Variants in COMMD4 observed in about 807,000 individuals in gnomAD.
COMMD4 encodes COMM domain containing 4, also known as COMM domain-containing protein 4.
In COMMD4, 18 loss-of-function variants were observed where a neutral mutation model predicts 27.5. That is an observed-to-expected ratio of 0.65 (90% CI 0.45 to 0.97). The LOEUF (loss-of-function observed/expected upper bound fraction) is 0.97, where lower values mean the gene tolerates loss of function less well. Ranked by LOEUF, COMMD4 falls within the 50% of genes least tolerant of loss-of-function variation. The probability of loss-of-function intolerance (pLI) is 0.00; values close to 1 mark genes in which losing one functional copy is unlikely to be tolerated. For synonymous variants in COMMD4, 108 were observed against 108.4 expected (o/e 1.00, Z 0.02); for missense variants, 243 against 250.0 (o/e 0.97, Z 0.19).
intron 5 of COMMD4, 40 bp downstream of exon 5, chr15:75,339,144 A>G (rs757683558): frequency 2.2e-5 from 35 of 1,612,366 alleles, no homozygotes; most frequent in South Asian, 7.7e-5. Context: ...CCTGTGGGCC[A>G]AGGGCTGCTA....
downstream of COMMD4, chr15:75,341,367 G>C (rs555059969): frequency 6.6e-6 from 1 of 152,254 alleles, no homozygotes; most frequent in Non-Finnish European, 1.5e-5. Flanking sequence ...CTCGCCTGGA[G>C]TATCTTAAGG....
chr15:75,338,561 T>C (rs774334847), intron 3 of COMMD4, 85 bp from the exon 4 acceptor site: 1 of 1,587,908 alleles, frequency 6.3e-7, no homozygotes, highest in African/African-American at 1.3e-5. Flanking sequence ...CCAGCCTGTC[T>C]GTTCCTTATC....
At chr15:75,338,315 A>G in intron 2 of COMMD4, 40 bp from the exon 3 acceptor site, 1 of 1,531,358 alleles carries the variant, frequency 6.5e-7, no homozygotes, top group Non-Finnish European at 8.9e-7. Flanking sequence ...AGGAGGGGTG[A>G]GGTTTGCCAG....
intron 2 of COMMD4, 28 bp downstream of exon 2, chr15:75,338,161 G>A (rs773033208): frequency 8.2e-6 from 13 of 1,578,766 alleles, no homozygotes; most frequent in African/African-American, 2.7e-5. Flanking sequence ...TAGTCTGGGT[G>A]GAGGAGGGGT....
At chr15:75,337,147 C>T (rs571540164) in intron 1 of COMMD4, 5 of 152,322 alleles carry the variant, frequency 3.3e-5, no homozygotes, top group African/African-American at 9.6e-5. Flanking sequence ...AATCCTAGCA[C>T]TTTGGGAGAG....
rs1288277765 is a variant in COMMD4 at position 75,339,951 on chromosome 15, T to G, written c.560-14T>G. ...CCTGACTGCCTCCCACCTGCCCACC[T>G]CTTCCCTCTGCAGAACTGAAGCAGG... On this transcript the variant is annotated splice_polypyrimidine_tract_variant and intron_variant, in intron 7 of 7. Coordinates refer to ENST00000267935, the MANE Select transcript of COMMD4 (RefSeq NM_017828.5). The G allele has an allele frequency of 6.2e-7, 1 of 1,614,116 alleles. No individual in the cohort carries two copies. The highest frequency in any genetic ancestry group is 1.1e-5 in the South Asian group (1 of 91,078).
intron 1 of COMMD4, chr15:75,337,046 C>G (rs1034477991): frequency 2.6e-5 from 4 of 152,268 alleles, no homozygotes; most frequent in African/African-American, 9.6e-5. Flanking sequence ...AACGTATCCA[C>G]TGGCCTCCAT....
Position 75,339,764 on chromosome 15 carries a change from T to C in COMMD4, c.445T>C (p.Ser149Pro), listed in dbSNP as rs949979459. ...CACCCTGAGCTCCAGCCTGCTGCAA[T>C]CCGTGGAAGAGCCCATGGTGCACCT... ...DYTLSSSLLQSVEEPMVHLRL... is the reference protein window; with the variant it reads ...DYTLSSSLLQPVEEPMVHLRL... Residue 149 changes from serine (S) to proline (P), a missense_variant, in exon 7 of 8, where the codon TCC (serine) becomes CCC (proline). By Grantham distance (74) the Ser-to-Pro change is moderately conservative. Coordinates refer to ENST00000267935, the MANE Select transcript of COMMD4 (RefSeq NM_017828.5). 6.2e-7 allele frequency: 1 copy of C among 1,613,836 alleles called. No homozygotes were observed. Among genetic ancestry groups the C allele is most frequent in the Admixed American group, 1.7e-5 (1 of 59,974 alleles).
downstream of COMMD4, chr15:75,340,353 C>G (rs1045512448): frequency 3.8e-6 from 1 of 266,324 alleles, no homozygotes; most frequent in East Asian, 6.9e-5. Flanking sequence ...CCTTCTTGGT[C>G]CATCACTCAT....
intron 1 of COMMD4, chr15:75,337,066 G>T (rs1277663194): frequency 2.6e-5 from 4 of 152,320 alleles, no homozygotes; most frequent in Non-Finnish European, 4.4e-5. Context: ...TAATTTCCTT[G>T]TGTGAGGGGC....
In COMMD4 at chr15:75,337,960, G is replaced by C. The variant is rs1346048671; in HGVS notation, c.4-102G>C. On this transcript the variant is annotated intron_variant, in intron 1 of 7. Transcript: ENST00000267935. ...GGCCAGAGGGTATCCATCTATGTCGGGGACCAGGGGTCCCTGGTGGGCAGC... is the reference window on the plus strand; with the variant it reads ...GGCCAGAGGGTATCCATCTATGTCGCGGACCAGGGGTCCCTGGTGGGCAGC... 3.1e-5 allele frequency: 37 copies of C among 1,191,090 alleles called. 1 individual carries two copies. Among genetic ancestry groups the C allele is most frequent in the Non-Finnish European group, 3.0e-5 (25 of 839,746 alleles). 73.8% of individuals were successfully genotyped at this position (1,191,090 alleles called of 1,614,324 possible). A position where few individuals can be genotyped will look rare whatever the true frequency, so the allele number is the denominator to read the frequency against.
intron 1 of COMMD4, chr15:75,336,451 C>G (rs947634770): frequency 1.1e-5 from 6 of 571,410 alleles, no homozygotes; most frequent in Non-Finnish European, 1.5e-5. Flanking sequence ...CTTCCCCAGC[C>G]CTGCCGTGGG....
chr15:75,339,460 G>T (rs961660221), intron 6 of COMMD4, 116 bp downstream of exon 6: 2 of 1,471,630 alleles, frequency 1.4e-6, no homozygotes, highest in African/African-American at 1.4e-5. Flanking sequence ...ACTAGCAGCC[G>T]TAGAGCTGGG....
chr15:75,338,192 G>C (rs778116440), intron 2 of COMMD4, 59 bp downstream of exon 2: 15 of 1,547,670 alleles, frequency 9.7e-6, no homozygotes, highest in East Asian at 7.2e-5. Flanking sequence ...GGGATTGTGG[G>C]TGTAGAGGAT....
intron 1 of COMMD4, chr15:75,336,346 G>GC: frequency 7.7e-7 from 1 of 1,294,346 alleles, no homozygotes; most frequent in South Asian, 1.6e-5. Flanking sequence ...GGAAGGAAGG[G>GC]CCCCTGCCTC....
chr15:75,339,799 G>C lies in COMMD4; in HGVS notation c.480G>C (p.Glu160Asp). 1 of 1,614,142 alleles carries C rather than the reference G, an allele frequency of 6.2e-7. No homozygotes were observed. The highest frequency in any genetic ancestry group is 2.2e-5 in the East Asian group (1 of 44,890). ...AGCCCATGGTGCACCTGCGGCTGGAGGTGGCAGCTGCCCCAGGGACCCCAG... is the reference window on the plus strand; with the variant it reads ...AGCCCATGGTGCACCTGCGGCTGGACGTGGCAGCTGCCCCAGGGACCCCAG... Reference protein sequence around the residue: ...VEEPMVHLRLEVAAAPGTPAQ... With the variant: ...VEEPMVHLRLDVAAAPGTPAQ... The change falls in exon 7 of 8, where the codon GAG (glutamate) becomes GAC (aspartate). Residue 160 changes from glutamate (E) to aspartate (D), a missense_variant. By Grantham distance (45) the Glu-to-Asp change is conservative (BLOSUM62 2). Coordinates refer to ENST00000267935, the MANE Select transcript of COMMD4 (RefSeq NM_017828.5).
In COMMD4 at chr15:75,338,067, C is replaced by T. The variant is rs762346929; in HGVS notation, c.9C>T (p.Phe3=). MR[F]RFCGDLDCPD... ...CCTGCCTCCCTCCCTTGCAGAGGTT[C>T]CGGTTCTGTGGTGATCTGGACTGTC... The change falls in exon 2 of 8, where the codon TTC becomes TTT. Residue 3 remains phenylalanine, a synonymous_variant. Coordinates refer to ENST00000267935, the MANE Select transcript of COMMD4 (RefSeq NM_017828.5). 185 of 1,606,358 alleles carry T rather than the reference C, an allele frequency of 1.2e-4. No homozygotes were observed. Among genetic ancestry groups the T allele is most frequent in the Non-Finnish European group, 1.5e-4 (177 of 1,176,382 alleles).
downstream of COMMD4, chr15:75,340,873 C>T (rs1367397839): frequency 1.3e-5 from 2 of 151,554 alleles, no homozygotes; most frequent in African/African-American, 4.9e-5. Context: ...TCTCGAACTC[C>T]TGACCTCAGG....
chr15:75,337,964 C>G, intron 1 of COMMD4, 98 bp from the exon 2 acceptor site: 1 of 1,260,800 alleles, frequency 7.9e-7, no homozygotes, highest in Non-Finnish European at 1.1e-6. Context: ...ATGTCGGGGA[C>G]CAGGGGTCCC....
Sources: allele counts gnomAD v4.1 joint callset, GRCh38; gene constraint gnomAD v4.1.1; transcripts MANE v1.5; gene names NCBI Gene and HGNC (gene_info 2026-07-23, HGNC 2026-07-21).